FSTL4: variants seen among roughly 807,000 people sequenced by gnomAD.
The protein encoded by FSTL4 is follistatin like 4, also known as follistatin-related protein 4.
Under a neutral mutation model 78.2 loss-of-function variants are expected in FSTL4, and 28 were observed. That is an observed-to-expected ratio of 0.36 (90% CI 0.27 to 0.49). FSTL4 has a LOEUF of 0.49. Among genes scored for constraint, FSTL4 ranks in the 20% least tolerant of loss-of-function variants. FSTL4 has a pLI of 0.98. For synonymous variants in FSTL4, 422 were observed against 440.5 expected (o/e 0.96, Z 0.53); for missense variants, 922 against 1,084.9 (o/e 0.85, Z 2.11).
intron 3 of FSTL4, among the ~76,000 whole-genome samples, chr5:133,456,203 A>G (rs1757484406): frequency 6.6e-6 from 1 of 152,224 alleles, no homozygotes; most frequent in African/African-American, 2.4e-5. Context: ...TGATTTCTGC[A>G]GCACATCATT....
chr5:133,288,085 T>C lies in FSTL4; in HGVS notation c.727+24569A>G, dbSNP rs190824832. ...ACCTGTTTGAGGACTGAACTACATA[T>C]AATATAAATGATTTAACGTAGTGCC... On this transcript the variant is annotated intron_variant, in intron 6 of 15. Coordinates refer to ENST00000265342, the MANE Select transcript of FSTL4 (RefSeq NM_015082.2). Among the ~76,000 whole-genome samples, 40 of 152,364 alleles carry C rather than the reference T, an allele frequency of 2.6e-4. 1 individual carries two copies. Among genetic ancestry groups the C allele is most frequent in the South Asian group, 1.7e-3 (8 of 4,824 alleles).
At chr5:133,732,929 T>C in the FSTL4 span, among the ~76,000 whole-genome samples, 7 of 152,162 alleles carry the variant, frequency 4.6e-5, no homozygotes, top group Non-Finnish European at 1.0e-4. Context: ...GTGTCACTGG[T>C]TCCAGGTCCA....
intron 4 of FSTL4, among the ~76,000 whole-genome samples, chr5:133,394,218 T>C (rs1755936309): frequency 6.6e-6 from 1 of 152,280 alleles, no homozygotes; most frequent in South Asian, 2.1e-4. Context: ...TTGCTCACTC[T>C]TGGCGCCTCC....
chr5:133,565,895 T>G (rs1353695244), intron 3 of FSTL4, among the ~76,000 whole-genome samples: 1 of 152,168 alleles, frequency 6.6e-6, no homozygotes, highest in Non-Finnish European at 1.5e-5. Context: ...AAAGCCAAAG[T>G]TCATGTCAAA....
chr5:133,646,756 G>T, the FSTL4 span, among the ~76,000 whole-genome samples: 2 of 152,122 alleles, frequency 1.3e-5, no homozygotes, highest in East Asian at 1.9e-4. Context: ...TAGAGTAACT[G>T]GGTGTATGTG....
intron 15 of FSTL4, among the ~76,000 whole-genome samples, chr5:133,200,187 A>T (rs1005434788): frequency 6.6e-6 from 1 of 152,234 alleles, no homozygotes; most frequent in African/African-American, 2.4e-5. Context: ...AGGGCAAGAG[A>T]TCCCTGCCCC....
intron 2 of FSTL4, among the ~76,000 whole-genome samples, chr5:133,582,923 C>A (rs1760460254): frequency 6.6e-6 from 1 of 152,194 alleles, no homozygotes. Flanking sequence ...CATGGCCATC[C>A]CATAGCGCAG....
the FSTL4 span, among the ~76,000 whole-genome samples, chr5:133,661,073 C>T: frequency 6.6e-6 from 1 of 152,216 alleles, no homozygotes; most frequent in African/African-American, 2.4e-5. Context: ...TCATTGCAAC[C>T]TCTGCCTCCT....
the FSTL4 span, among the ~76,000 whole-genome samples, chr5:133,668,491 A>G: frequency 6.6e-5 from 10 of 152,202 alleles, no homozygotes; most frequent in Admixed American, 5.9e-4. Context: ...TATTTCCTCT[A>G]CATTCTGCGA....
In FSTL4 at chr5:133,312,774, C is replaced by G. The variant is rs1421369921; in HGVS notation, c.607G>C (p.Val203Leu). 7 of 1,614,018 alleles carry G rather than the reference C, an allele frequency of 4.3e-6. No individual in the cohort carries two copies. The African/African-American group carries it at 9.3e-5, about 22-fold the overall frequency. ...HLSSSELAQH[V>L]LKKQDLDEDL... ...TCATCCAGGTCCTGCTTCTTCAGCA[C>G]ATGCTGTGGGGTGAGGAGGAGAACA... Residue 203 changes from valine (V) to leucine (L), a missense_variant, in exon 6 of 16, where the codon GTG becomes CTG. Val to Leu is a conservative substitution (Grantham distance 32). Coordinates refer to ENST00000265342, the MANE Select transcript of FSTL4 (RefSeq NM_015082.2).
At chr5:133,243,384 C>T (rs924022992) in intron 7 of FSTL4, among the ~76,000 whole-genome samples, 10 of 152,160 alleles carry the variant, frequency 6.6e-5, no homozygotes, top group Non-Finnish European at 4.4e-5. Flanking sequence ...CCTGGCTAAA[C>T]AATTCCACGT....
At chr5:133,533,097 T>C (rs1449789986) in intron 3 of FSTL4, among the ~76,000 whole-genome samples, 1 of 152,226 alleles carries the variant, frequency 6.6e-6, no homozygotes, top group Non-Finnish European at 1.5e-5. Flanking sequence ...GTGGGCTTTA[T>C]CATGGAATTA....
intron 4 of FSTL4, among the ~76,000 whole-genome samples, chr5:133,366,858 G>A (rs1333403321): frequency 2.0e-5 from 3 of 152,054 alleles, no homozygotes. Flanking sequence ...CTAATAGCTT[G>A]AAAAGGCCAA....
intron 6 of FSTL4, among the ~76,000 whole-genome samples, chr5:133,295,149 C>A (rs758001351): frequency 2.6e-5 from 4 of 152,188 alleles, no homozygotes; most frequent in East Asian, 1.9e-4. Context: ...ACTTCCACAT[C>A]TCTTCCCTTA....
the FSTL4 span, among the ~76,000 whole-genome samples, chr5:133,623,089 C>CTT: frequency 1.4e-5 from 2 of 146,978 alleles, no homozygotes; most frequent in South Asian, 2.1e-4. Flanking sequence ...AGGATGAGGT[C>CTT]TTTTTTTTTT....
the FSTL4 span, among the ~76,000 whole-genome samples, chr5:133,793,924 C>A: frequency 6.6e-6 from 1 of 152,220 alleles, no homozygotes; most frequent in Non-Finnish European, 1.5e-5. Context: ...ATATTGAATT[C>A]TGTGGGATTT....
At chr5:133,367,369 T>C (rs1190162088) in intron 4 of FSTL4, among the ~76,000 whole-genome samples, 1 of 152,200 alleles carries the variant, frequency 6.6e-6, no homozygotes, top group Non-Finnish European at 1.5e-5. Context: ...ATGTGGAAGA[T>C]TTCAGTCCAG....
the FSTL4 span, among the ~76,000 whole-genome samples, chr5:133,836,540 G>A: frequency 1.3e-4 from 20 of 152,116 alleles, no homozygotes; most frequent in African/African-American, 4.6e-4. Context: ...ATGCACACAT[G>A]TATGTGTGTG....
At chr5:133,304,011 A>T (rs530696192) in intron 6 of FSTL4, among the ~76,000 whole-genome samples, 1 of 152,130 alleles carries the variant, frequency 6.6e-6, no homozygotes, top group Non-Finnish European at 1.5e-5. Flanking sequence ...AGCCTCGGCC[A>T]TGCAAAGATT....
Sources: gnomAD v4.1 joint callset for allele counts (sites outside exome capture counted in the v4.1 genomes callset) on GRCh38, gnomAD v4.1.1 for gene constraint, MANE v1.5 for transcripts, NCBI Gene and HGNC (gene_info 2026-07-23, HGNC 2026-07-21) for gene names.